The following TMCC1 variants were observed in gnomAD, a reference collection of about 807,000 sequenced individuals.
TMCC1 encodes the protein transmembrane and coiled-coil domain family 1, also known as transmembrane and coiled-coil domains protein 1.
In TMCC1, 15 loss-of-function variants were observed where a neutral mutation model predicts 52.4. The ratio of observed to expected loss-of-function variants is 0.29; its 90% CI spans 0.19 to 0.44. The LOEUF is 0.44. TMCC1 is among the 20% of genes least tolerant of loss of function. The pLI is 1.00. For missense variants in TMCC1, 503 were observed against 806.0 expected (o/e 0.62, Z 4.55); for synonymous variants, 279 against 301.9 (o/e 0.92, Z 0.79).
chr3:129,726,383 T>A (rs1266823444), intron 4 of TMCC1, among the ~76,000 whole-genome samples: 1 of 45,620 alleles, frequency 2.2e-5, no homozygotes, highest in Non-Finnish European at 6.3e-5. Context: ...TTTCTCAACA[T>A]TAAAACAAAA....
At position 129,776,481 on chromosome 3, in the gene TMCC1, A is replaced by G. The variant is rs541076508; in HGVS notation, c.576+51322T>C. Among the ~76,000 whole-genome samples, 137 of 152,340 alleles carry G rather than the reference A, an allele frequency of 9.0e-4. 2 individuals are homozygous for G. Among genetic ancestry groups the G allele is most frequent in the Non-Finnish European group, 4.1e-4 (28 of 68,030 alleles). On this transcript the variant is annotated intron_variant, in intron 4 of 6. Transcript: ENST00000393238. Reference sequence around the variant, plus strand: ...CCCATGGGAAGTATATAGAGAGAATAAAAGAGGGCCTAAGACAAAGCCCAG... The same window carrying G: ...CCCATGGGAAGTATATAGAGAGAATGAAAGAGGGCCTAAGACAAAGCCCAG...
intron 2 of TMCC1, among the ~76,000 whole-genome samples, chr3:129,849,765 C>CA (rs919795033): frequency 1.0e-4 from 15 of 147,426 alleles, no homozygotes; most frequent in East Asian, 6.0e-4. Context: ...GACTCCATCT[C>CA]AAAAAAAAAT....
intron 4 of TMCC1, among the ~76,000 whole-genome samples, chr3:129,738,808 T>G (rs1357284901): frequency 6.6e-6 from 1 of 151,880 alleles, no homozygotes; most frequent in Admixed American, 6.6e-5. Context: ...GAAGAACTAA[T>G]AATTAAAATC....
chr3:129,862,091 T>C (rs1577126061), intron 2 of TMCC1, among the ~76,000 whole-genome samples: 1 of 152,230 alleles, frequency 6.6e-6, no homozygotes, highest in African/African-American at 2.4e-5. Context: ...TTATGCTAAG[T>C]AAAAGAAGCC....
In TMCC1 at chr3:129,727,200, G is replaced by A. The variant is rs115228470; in HGVS notation, c.577-55936C>T. Among the ~76,000 whole-genome samples, 694 of 152,226 alleles carry A rather than the reference G, an allele frequency of 4.6e-3. 8 individuals are homozygous for A. Among genetic ancestry groups the A allele is most frequent in the African/African-American group, 0.016 (660 of 41,532 alleles). On this transcript the variant is annotated intron_variant, in intron 4 of 6. Coordinates refer to ENST00000393238, the MANE Select transcript of TMCC1 (RefSeq NM_001017395.5). ...TACTCACTTTGCAGAGATGTTCATG[G>A]TTTGGTATTCCTGCCTTATAGCTTC...
At chr3:129,871,756 T>TGAAAAAA (rs577319916) in intron 2 of TMCC1, among the ~76,000 whole-genome samples, 249 of 151,948 alleles carry the variant, frequency 1.6e-3, no homozygotes, top group African/African-American at 5.5e-3. Flanking sequence ...AATTAAAATT[T>TGAAAAAA]GAAAAAAGAA....
chr3:129,887,181 G>C (rs1479962617), intron 1 of TMCC1, among the ~76,000 whole-genome samples: 3 of 151,828 alleles, frequency 2.0e-5, no homozygotes, highest in Admixed American at 6.6e-5. Flanking sequence ...CTTAACCGTA[G>C]ATTTAAAATG....
chr3:129,879,173 G>A (rs1277207479), intron 2 of TMCC1, among the ~76,000 whole-genome samples: 2 of 152,180 alleles, frequency 1.3e-5, no homozygotes, highest in Non-Finnish European at 2.9e-5. Flanking sequence ...AGGGATGGTG[G>A]CTCATGCCTG....
At chr3:129,887,970 C>T (rs1268168326) in intron 1 of TMCC1, among the ~76,000 whole-genome samples, 6 of 152,160 alleles carry the variant, frequency 3.9e-5, no homozygotes, top group African/African-American at 9.7e-5. Flanking sequence ...CACAAATACA[C>T]GAGACGACTT....
intron 4 of TMCC1, among the ~76,000 whole-genome samples, chr3:129,775,529 C>T (rs2054969572): frequency 6.6e-6 from 1 of 152,076 alleles, no homozygotes; most frequent in South Asian, 2.1e-4. Context: ...ACTGGGTACA[C>T]ATCGTGGGTA....
At chr3:129,862,318 TACTAAAAACC>T (rs2060432482) in intron 2 of TMCC1, among the ~76,000 whole-genome samples, 1 of 152,178 alleles carries the variant, frequency 6.6e-6, no homozygotes, top group African/African-American at 2.4e-5. Flanking sequence ...TCTGTGAATA[TACTAAAAACC>T]ACTGAAAAGT....
intron 1 of TMCC1, among the ~76,000 whole-genome samples, chr3:129,886,258 C>A (rs1019859642): frequency 9.9e-5 from 15 of 152,122 alleles, no homozygotes; most frequent in Admixed American, 2.6e-4. Flanking sequence ...ATAAAGACAA[C>A]AAGAAAATTA....
In TMCC1 at chr3:129,737,955, G is replaced by A. The variant is rs552164605; in HGVS notation, c.577-66691C>T. Among the ~76,000 whole-genome samples, 10 of 152,154 alleles carry A rather than the reference G, an allele frequency of 6.6e-5. No homozygotes were observed. In the South Asian group the frequency reaches 2.1e-3, roughly 32 times the overall value. On this transcript the variant is annotated intron_variant, in intron 4 of 6. Coordinates refer to ENST00000393238, the MANE Select transcript of TMCC1 (RefSeq NM_001017395.5). ...GCAGAAATAATATATATAAACTCCA[G>A]AACTATACTTCTTTCTTAAAAGAAA...
chr3:129,720,215 A>G (rs2049461552), intron 4 of TMCC1, among the ~76,000 whole-genome samples: 2 of 150,378 alleles, frequency 1.3e-5, no homozygotes, highest in African/African-American at 4.9e-5. Flanking sequence ...GATGGAATGT[A>G]TTTCTCCATC....
At chr3:129,716,423 C>T (rs540363890) in intron 4 of TMCC1, among the ~76,000 whole-genome samples, 1 of 146,090 alleles carries the variant, frequency 6.8e-6, no homozygotes, top group South Asian at 2.2e-4. Flanking sequence ...CAAGCTCTGT[C>T]TCCCAGGTTC....
chr3:129,818,908 C>G (rs1166196588), intron 4 of TMCC1: 2 of 152,628 alleles, frequency 1.3e-5, no homozygotes, highest in African/African-American at 2.4e-5. Context: ...ATCTCTAACA[C>G]CAATTTAAAA....
chr3:129,680,509 T>C (rs1427133149), intron 4 of TMCC1, among the ~76,000 whole-genome samples: 1 of 152,174 alleles, frequency 6.6e-6, no homozygotes, highest in Non-Finnish European at 1.5e-5. Flanking sequence ...TCAGAGGACT[T>C]GGCTTTAGAG....
chr3:129,833,643 AG>A (rs2059025475), intron 2 of TMCC1, among the ~76,000 whole-genome samples: 1 of 152,190 alleles, frequency 6.6e-6, no homozygotes, highest in Non-Finnish European at 1.5e-5. Flanking sequence ...CTGTAATCCC[AG>A]CACTTTGGGA....
intron 4 of TMCC1, among the ~76,000 whole-genome samples, chr3:129,817,145 C>T (rs576609092): frequency 2.6e-5 from 4 of 151,906 alleles, no homozygotes; most frequent in South Asian, 4.2e-4. Context: ...CCCCAAAATA[C>T]GTAAATTATA....
Sources: allele counts gnomAD v4.1 joint callset (sites outside exome capture counted in the v4.1 genomes callset), GRCh38; gene constraint gnomAD v4.1.1; transcripts MANE v1.5; gene names NCBI Gene and HGNC (gene_info 2026-07-23, HGNC 2026-07-21).